EXOC4: variants seen among roughly 807,000 people sequenced by gnomAD.
EXOC4 encodes the protein exocyst complex component 4, also known as SEC8-like 1.
Under a neutral mutation model 107.2 loss-of-function variants are expected in EXOC4, and 71 were observed. The ratio of observed to expected loss-of-function variants is 0.66; its 90% CI spans 0.55 to 0.81. The LOEUF is 0.81. Among genes scored for constraint, EXOC4 ranks in the 30% least tolerant of loss-of-function variants. EXOC4 has a pLI of 0.00. For synonymous variants in EXOC4, 456 were observed against 441.2 expected, an observed-to-expected ratio of 1.03 and a Z score of -0.42; for missense variants, 1,108 against 1,189.6, an observed-to-expected ratio of 0.93 and a Z score of 1.01.
chr7:133,889,458 C>T (rs1799159881), intron 11 of EXOC4, among the ~76,000 whole-genome samples: 1 of 148,044 alleles, frequency 6.8e-6, no homozygotes. Flanking sequence ...TTTTAGGGTA[C>T]ATGTGCACAT....
intron 5 of EXOC4, among the ~76,000 whole-genome samples, chr7:133,350,770 T>A (rs1248067954): frequency 6.6e-6 from 1 of 152,034 alleles, no homozygotes; most frequent in Non-Finnish European, 1.5e-5. Flanking sequence ...TAAACTGCTT[T>A]AGGTATAATA....
intron 14 of EXOC4, among the ~76,000 whole-genome samples, chr7:133,982,309 T>C (rs929063415): frequency 6.6e-6 from 1 of 152,130 alleles, no homozygotes; most frequent in African/African-American, 2.4e-5. Context: ...TCCCAGCACT[T>C]TGGGAGGCCG....
intron 17 of EXOC4, among the ~76,000 whole-genome samples, chr7:134,054,688 G>A (rs376570684): frequency 4.6e-5 from 7 of 152,304 alleles, no homozygotes; most frequent in South Asian, 4.1e-4. Context: ...GTGTCCTATC[G>A]AGGGTAGCCA....
intron 3 of EXOC4, among the ~76,000 whole-genome samples, chr7:133,301,137 C>G (rs560131125): frequency 1.3e-5 from 2 of 152,318 alleles, no homozygotes; most frequent in African/African-American, 4.8e-5. Flanking sequence ...AAGGTGGACA[C>G]TTGAGGGTGG....
At chr7:133,297,695 A>C (rs568293177) in intron 3 of EXOC4, among the ~76,000 whole-genome samples, 1 of 152,312 alleles carries the variant, frequency 6.6e-6, no homozygotes, top group East Asian at 1.9e-4. Context: ...AAAAATTTAA[A>C]ATGGTGTAGG....
At chr7:133,842,568 T>G (rs1798044340) in intron 11 of EXOC4, among the ~76,000 whole-genome samples, 1 of 152,222 alleles carries the variant, frequency 6.6e-6, no homozygotes. Context: ...ATGCATAGTT[T>G]GAAAATATTT....
chr7:133,641,504 A>G (rs1038539599), intron 10 of EXOC4, among the ~76,000 whole-genome samples: 2 of 152,110 alleles, frequency 1.3e-5, no homozygotes, highest in Non-Finnish European at 2.9e-5. Flanking sequence ...CACTTTAGCT[A>G]GTTGATTATT....
intron 9 of EXOC4, among the ~76,000 whole-genome samples, chr7:133,533,149 TA>T (rs1247301224): frequency 6.6e-6 from 1 of 152,162 alleles, no homozygotes; most frequent in Non-Finnish European, 1.5e-5. Context: ...CTGGTTTATC[TA>T]TAGATTTTTG....
At chr7:134,097,989 CAATG>C in the EXOC4 span, among the ~76,000 whole-genome samples, 864 of 152,230 alleles carry the variant, frequency 5.7e-3, 8 homozygotes, top group Admixed American at 8.9e-3. Flanking sequence ...GAGCATGAGA[CAATG>C]AAGGCAAATG....
In EXOC4 at chr7:133,991,040, C is replaced by T. The variant is rs118027419; in HGVS notation, c.2207-6452C>T. The stretch of plus-strand genomic sequence containing the variant: ...ATGGTTATACTAATTTACATTCCCA[C>T]CAACAATGTATGAGCATTCTTCCTT... On this transcript the variant is annotated intron_variant, in intron 14 of 17. Coordinates refer to ENST00000253861, the MANE Select transcript of EXOC4 (RefSeq NM_021807.4). 6.6e-3 allele frequency among the ~76,000 whole-genome samples: 1,001 copies of T among 152,254 alleles called. 31 individuals carry two copies. The East Asian group carries it at 0.1, about 16-fold the overall frequency.
intron 10 of EXOC4, among the ~76,000 whole-genome samples, chr7:133,668,764 A>C (rs1192396721): frequency 6.6e-6 from 1 of 152,122 alleles, no homozygotes; most frequent in Non-Finnish European, 1.5e-5. Context: ...GAGAATGAGA[A>C]CATCACCTCC....
chr7:133,543,548 A>G (rs1563102689), intron 9 of EXOC4, among the ~76,000 whole-genome samples: 2 of 152,090 alleles, frequency 1.3e-5, no homozygotes, highest in African/African-American at 2.4e-5. Context: ...TTTAATAACT[A>G]TTATTAGGTT....
intron 10 of EXOC4, among the ~76,000 whole-genome samples, chr7:133,717,248 A>G (rs1481475889): frequency 1.3e-5 from 2 of 152,226 alleles, no homozygotes; most frequent in African/African-American, 4.8e-5. Flanking sequence ...AACTTGTGGG[A>G]GAACTTTCGA....
intron 7 of EXOC4, among the ~76,000 whole-genome samples, chr7:133,384,802 GTT>G (rs1185420385): frequency 6.9e-6 from 1 of 145,352 alleles, no homozygotes; most frequent in Non-Finnish European, 1.5e-5. Context: ...TATAGCGATA[GTT>G]CTTCTGATTT....
At chr7:133,794,945 C>G (rs1057250062) in intron 10 of EXOC4, among the ~76,000 whole-genome samples, 4 of 151,880 alleles carry the variant, frequency 2.6e-5, no homozygotes, top group Non-Finnish European at 4.4e-5. Flanking sequence ...CTCCCCCTTC[C>G]CCCCACCCCA....
chr7:133,301,087 C>G (rs1281904702), intron 3 of EXOC4, among the ~76,000 whole-genome samples: 1 of 152,204 alleles, frequency 6.6e-6, no homozygotes, highest in Non-Finnish European at 1.5e-5. Flanking sequence ...ACTGGGAGAC[C>G]TGGAGGCTTC....
At chr7:133,302,686 A>C (rs964590507) in intron 3 of EXOC4, among the ~76,000 whole-genome samples, 1 of 152,160 alleles carries the variant, frequency 6.6e-6, no homozygotes, top group Non-Finnish European at 1.5e-5. Context: ...CTGTAATTTT[A>C]ATATATATTT....
At chr7:133,951,345 A>G (rs890322616) in intron 14 of EXOC4, among the ~76,000 whole-genome samples, 3 of 152,170 alleles carry the variant, frequency 2.0e-5, no homozygotes, top group African/African-American at 4.8e-5. Context: ...TAAATCCCTC[A>G]TAGGTTATTT....
At chr7:133,592,234 T>TA (rs1006802149) in intron 9 of EXOC4, among the ~76,000 whole-genome samples, 3 of 152,028 alleles carry the variant, frequency 2.0e-5, no homozygotes, top group African/African-American at 4.8e-5. Context: ...GTGAATTTTT[T>TA]AAAAAAATTT....
Sources: gnomAD v4.1 joint callset for allele counts (sites outside exome capture counted in the v4.1 genomes callset) on GRCh38, gnomAD v4.1.1 for gene constraint, MANE v1.5 for transcripts, NCBI Gene and HGNC (gene_info 2026-07-23, HGNC 2026-07-21) for gene names.